RBMS1: variants seen among roughly 807,000 people sequenced by gnomAD.
RBMS1 encodes RNA-binding motif, single-stranded-interacting protein 1.
Under a neutral mutation model 62.3 loss-of-function variants are expected in RBMS1, and 17 were observed. That is an observed-to-expected ratio of 0.27 (90% confidence interval 0.19 to 0.41). The LOEUF (loss-of-function observed/expected upper bound fraction) is 0.41. RBMS1 is among the 10% of genes least tolerant of loss of function. The pLI, the probability that RBMS1 is intolerant of heterozygous loss-of-function variation, is 1.00. For synonymous variants in RBMS1, 172 were observed against 170.0 expected (o/e 1.01, Z -0.09); for missense variants, 334 against 504.5 (o/e 0.66, Z 3.24).
At chr2:160,324,721 G>A (rs1031847937) in intron 2 of RBMS1, among the ~76,000 whole-genome samples, 2 of 151,316 alleles carry the variant, frequency 1.3e-5, no homozygotes, top group Non-Finnish European at 2.9e-5. Flanking sequence ...GGAGGGACAG[G>A]GGATTGAAAT....
In RBMS1 at chr2:160,348,161, C is replaced by G. The variant is rs190531514; in HGVS notation, c.251+19055G>C. On this transcript the variant is annotated intron_variant, in intron 2 of 13. Transcript: ENST00000348849. ...AGTAAACCATTATATAAATCCACCC[C>G]AAGCCAATACTGGATTTATTTTCCC... 1.9e-3 allele frequency among the ~76,000 whole-genome samples: 292 copies of G among 152,188 alleles called. 1 individual carries two copies. The highest frequency in any genetic ancestry group is 3.4e-3 in the Middle Eastern group (1 of 294).
At chr2:160,389,397 C>G (rs1694741163) in intron 1 of RBMS1, among the ~76,000 whole-genome samples, 1 of 152,034 alleles carries the variant, frequency 6.6e-6, no homozygotes, top group Non-Finnish European at 1.5e-5. Context: ...TAAACAAAAG[C>G]TTAAAAAACA....
At chr2:160,333,896 C>G (rs1253934342) in intron 2 of RBMS1, among the ~76,000 whole-genome samples, 1 of 151,822 alleles carries the variant, frequency 6.6e-6, no homozygotes. Context: ...GATGAAGCCC[C>G]ATAACATTTC....
intron 1 of RBMS1, among the ~76,000 whole-genome samples, chr2:160,424,286 T>C (rs1360373077): frequency 1.3e-5 from 2 of 150,776 alleles, no homozygotes; most frequent in East Asian, 4.0e-4. Flanking sequence ...CCCAAAGTGC[T>C]GGCATTACAG....
At chr2:160,378,047 A>T (rs2105181741) in intron 1 of RBMS1, among the ~76,000 whole-genome samples, 1 of 152,284 alleles carries the variant, frequency 6.6e-6, no homozygotes, top group South Asian at 2.1e-4. Flanking sequence ...TATTTTGTGC[A>T]GCCTCTTTTA....
chr2:160,375,063 T>C lies in RBMS1; in HGVS notation c.76-7672A>G, dbSNP rs144916633. Among the ~76,000 whole-genome samples, 259 of 152,236 alleles carry C rather than the reference T, an allele frequency of 1.7e-3. 2 individuals are homozygous for C. Among genetic ancestry groups the C allele is most frequent in the African/African-American group, 5.9e-3 (246 of 41,550 alleles). On this transcript the variant is annotated intron_variant, in intron 1 of 13. Coordinates refer to ENST00000348849, the MANE Select transcript of RBMS1 (RefSeq NM_016836.4). Reference sequence around the variant, plus strand: ...GGTCTTCACGTGTGAAATAAGCAGGTTAGCCTGGATGATTTCTAAGCTTCC... The same window carrying C: ...GGTCTTCACGTGTGAAATAAGCAGGCTAGCCTGGATGATTTCTAAGCTTCC...
chr2:160,369,043 C>T (rs2106026852), intron 1 of RBMS1, among the ~76,000 whole-genome samples: 1 of 152,254 alleles, frequency 6.6e-6, no homozygotes, highest in Non-Finnish European at 1.5e-5. Context: ...GTCCAAACAC[C>T]ACTTTATTTA....
intron 2 of RBMS1, 35 bp from the exon 3 acceptor site, chr2:160,318,262 G>GAAAAA: frequency 7.5e-7 from 1 of 1,340,312 alleles, no homozygotes; most frequent in Non-Finnish European, 9.5e-7. Flanking sequence ...AGGAAAAAAA[G>GAAAAA]AAAAGAAAGA....
At chr2:160,294,965 G>A (rs1688859079) in intron 6 of RBMS1, among the ~76,000 whole-genome samples, 1 of 150,358 alleles carries the variant, frequency 6.7e-6, no homozygotes, top group Non-Finnish European at 1.5e-5. Context: ...AGAAAGAACA[G>A]TATCTAATAC....
intron 2 of RBMS1, among the ~76,000 whole-genome samples, chr2:160,343,049 A>G (rs1691968834): frequency 6.6e-6 from 1 of 152,188 alleles, no homozygotes; most frequent in Non-Finnish European, 1.5e-5. Flanking sequence ...CTTACTGATA[A>G]GACAAACTGA....
At chr2:160,411,407 A>G (rs1236343536) in intron 1 of RBMS1, among the ~76,000 whole-genome samples, 1 of 152,188 alleles carries the variant, frequency 6.6e-6, no homozygotes, top group African/African-American at 2.4e-5. Flanking sequence ...CAGAGAGTAG[A>G]GCATGCCAGG....
At chr2:160,428,002 T>C (rs1247241765) in intron 1 of RBMS1, among the ~76,000 whole-genome samples, 1 of 147,746 alleles carries the variant, frequency 6.8e-6, no homozygotes, top group African/African-American at 2.7e-5. Flanking sequence ...CTCTGGTCTC[T>C]GTTTGTTAGT....
chr2:160,331,934 T>C (rs1291807859), intron 2 of RBMS1, among the ~76,000 whole-genome samples: 1 of 152,168 alleles, frequency 6.6e-6, no homozygotes, highest in Non-Finnish European at 1.5e-5. Context: ...ATCACCACTG[T>C]GTCAGCAGAA....
intron 2 of RBMS1, among the ~76,000 whole-genome samples, chr2:160,365,052 A>C (rs940443350): frequency 6.6e-6 from 1 of 152,128 alleles, no homozygotes; most frequent in Non-Finnish European, 1.5e-5. Context: ...TCCCTTCCTC[A>C]TAAGGTTCTT....
At chr2:160,362,966 A>T (rs1372951798) in intron 2 of RBMS1, among the ~76,000 whole-genome samples, 1 of 152,186 alleles carries the variant, frequency 6.6e-6, no homozygotes, top group Non-Finnish European at 1.5e-5. Context: ...TTAAATGTAC[A>T]ATTCAATATA....
intron 2 of RBMS1, among the ~76,000 whole-genome samples, chr2:160,320,674 CCTT>C (rs1236107342): frequency 1.3e-5 from 2 of 152,132 alleles, no homozygotes; most frequent in Non-Finnish European, 2.9e-5. Flanking sequence ...TCTGCACACA[CCTT>C]CTCCCCTTTG....
intron 1 of RBMS1, among the ~76,000 whole-genome samples, chr2:160,404,085 A>G (rs773838170): frequency 1.3e-5 from 2 of 152,222 alleles, no homozygotes; most frequent in Non-Finnish European, 2.9e-5. Flanking sequence ...TGAACACCAT[A>G]TACTTCAAAG....
chr2:160,278,535 A>C lies in RBMS1; in HGVS notation c.1062+13T>G, dbSNP rs1227468659. Reference sequence around the variant, plus strand: ...CTGTTTACAGAGACACATGATAATTATTTGCCACCTACTGTTCCGGTGCTG... The same window carrying C: ...CTGTTTACAGAGACACATGATAATTCTTTGCCACCTACTGTTCCGGTGCTG... On this transcript the variant is annotated intron_variant, in intron 11 of 13. Coordinates refer to ENST00000348849, the MANE Select transcript of RBMS1 (RefSeq NM_016836.4). 1 of 1,598,694 alleles carries C rather than the reference A, an allele frequency of 6.3e-7. No individual in the cohort carries two copies. Among genetic ancestry groups the C allele is most frequent in the Admixed American group, 1.7e-5 (1 of 59,792 alleles).
At chr2:160,411,218 A>T (rs529252632) in intron 1 of RBMS1, among the ~76,000 whole-genome samples, 1 of 152,300 alleles carries the variant, frequency 6.6e-6, no homozygotes, top group African/African-American at 2.4e-5. Flanking sequence ...GACCAATCCA[A>T]TTCTCACCCT....
Sources: allele counts gnomAD v4.1 joint callset (sites outside exome capture counted in the v4.1 genomes callset), GRCh38; gene constraint gnomAD v4.1.1; transcripts MANE v1.5; gene names NCBI Gene and HGNC (gene_info 2026-07-23, HGNC 2026-07-21).